The following ATG14 variants were observed in gnomAD, a reference collection of about 807,000 sequenced individuals.
ATG14 encodes beclin 1-associated autophagy-related key regulator.
In ATG14, 35 loss-of-function variants were observed where a neutral mutation model predicts 60.4. The observed-to-expected ratio is 0.58, with a 90% CI of 0.44 to 0.77. The LOEUF (loss-of-function observed/expected upper bound fraction) is 0.77. Among genes scored for constraint, ATG14 ranks in the 30% least tolerant of loss-of-function variants. The probability of loss-of-function intolerance (pLI) is 0.00; values close to 1 mark genes in which losing one functional copy is unlikely to be tolerated. For synonymous variants in ATG14, 234 were observed against 228.8 expected (o/e 1.02, Z -0.21); for missense variants, 647 against 626.3 (o/e 1.03, Z -0.35).
At chr14:55,411,054 C>G (rs1231220128) in intron 1 of ATG14, among the ~76,000 whole-genome samples, 2 of 152,104 alleles carry the variant, frequency 1.3e-5, no homozygotes, top group South Asian at 2.1e-4. Flanking sequence ...CTAAAATAAT[C>G]TTTAGAGGCA....
At chr14:55,370,077 A>ATGAT (rs1555341206) in intron 9 of ATG14, 152 bp from the exon 10 acceptor site, 1 of 621,014 alleles carries the variant, frequency 1.6e-6, no homozygotes, top group African/African-American at 1.8e-5. Context: ...GTGTTGACAT[A>ATGAT]TGATTGCGTT....
At chr14:55,388,320 G>T (rs148968412) in intron 4 of ATG14, among the ~76,000 whole-genome samples, 1 of 152,330 alleles carries the variant, frequency 6.6e-6, no homozygotes, top group Non-Finnish European at 1.5e-5. Flanking sequence ...TCTGGGGGAA[G>T]ATCCATTTCA....
chr14:55,400,909 TAAATAAAATAAAATAAAATA>T (rs201067140), intron 1 of ATG14, among the ~76,000 whole-genome samples: 65 of 143,358 alleles, frequency 4.5e-4, no homozygotes, highest in South Asian at 4.2e-3. Flanking sequence ...CTCAAATAAA[TAAATAAAATAAAATAAAATA>T]AAATAAAATA....
chr14:55,369,562 G>A lies in ATG14; in HGVS notation c.*57C>T. ...ACTTAAACAGAAAATGTTTACTAGA[G>A]TGTAGTGGGAGAAGAACTTTCTTGA... is the stretch of plus-strand genomic sequence containing the variant. On this transcript the variant is annotated 3_prime_UTR_variant, in exon 10 of 10. Transcript: ENST00000247178. 1 of 1,382,730 alleles carries A rather than the reference G, an allele frequency of 7.2e-7. No individual in the cohort carries two copies. The highest frequency in any genetic ancestry group is 1.7e-5 in the South Asian group (1 of 58,714). The allele number at this position is 1,382,730 out of a possible 1,614,324, so 85.7% of individuals were successfully genotyped here.
chr14:55,369,527 C>A lies in ATG14; in HGVS notation c.*92G>T. ...AACACTTTAACCTCTTTGTTCCAGA[C>A]ACTATCTTAACTTAAACAGAAAATG... is the stretch of plus-strand genomic sequence containing the variant. On this transcript the variant is annotated 3_prime_UTR_variant, in exon 10 of 10. Coordinates refer to ENST00000247178, the MANE Select transcript of ATG14 (RefSeq NM_014924.5). 1 of 1,207,076 alleles carries A rather than the reference C, an allele frequency of 8.3e-7. No homozygotes were observed. Among genetic ancestry groups the A allele is most frequent in the Non-Finnish European group, 1.1e-6 (1 of 887,104 alleles). 74.8% of individuals were successfully genotyped at this position (1,207,076 alleles called of 1,614,324 possible). A position where few individuals can be genotyped will look rare whatever the true frequency, so the allele number is the denominator to read the frequency against.
Position 55,382,047 on chromosome 14 carries a change from T to C in ATG14, c.792A>G (p.Thr264=), listed in dbSNP as rs1264436611. 3 of 1,614,064 alleles carry C rather than the reference T, an allele frequency of 1.9e-6. No individual in the cohort carries two copies. The highest frequency in any genetic ancestry group is 1.3e-5 in the African/African-American group (1 of 74,922). ...TGTTAGGGAGGCTAATCCAAGGCCC[T>C]GTAATGCTAATGCTGGTGTCTCCGT... The part of the protein sequence containing the change: ...DHNGDTSISI[T]GPWISLPNNG... The change falls in exon 6 of 10, where the codon ACA becomes ACG. Residue 264 remains threonine (T), a synonymous_variant. Coordinates refer to ENST00000247178, the MANE Select transcript of ATG14 (RefSeq NM_014924.5).
rs74646178 is a variant in ATG14, at chr14:55,401,752, C to T, written c.222-4318G>A. Among the ~76,000 whole-genome samples the T allele has an allele frequency of 4.3e-3, 656 of 152,196 alleles. 18 individuals are homozygous for T. The East Asian group carries it at 0.066, about 15-fold the overall frequency. On this transcript the variant is annotated intron_variant, in intron 1 of 9. Coordinates refer to ENST00000247178, the MANE Select transcript of ATG14 (RefSeq NM_014924.5). ...AAGGAGAAGGGTGCTCGCACACAGC[C>T]CCAGTGGCACCAGAGAAAGCACACA...
At position 55,366,762 on chromosome 14, in the gene ATG14, C is replaced by T. The variant is rs1455492914; in HGVS notation, c.*2857G>A. The T allele has an allele frequency of 4.6e-5, 7 of 152,538 alleles. No individual in the cohort carries two copies. Among genetic ancestry groups the T allele is most frequent in the Admixed American group, 4.6e-4 (7 of 15,260 alleles). The allele number at this position is 152,538 out of a possible 1,614,324, so 9.4% of individuals were successfully genotyped here. Reference sequence around the variant, plus strand: ...AATCATTTTAAAATGGAAAACATGACCAAGTTCTATGGCTTTTTGTTTAAA... The same window carrying T: ...AATCATTTTAAAATGGAAAACATGATCAAGTTCTATGGCTTTTTGTTTAAA... On this transcript the variant is annotated 3_prime_UTR_variant, in exon 10 of 10. Transcript: ENST00000247178.
chr14:55,399,423 G>A (rs1885364164), intron 1 of ATG14, among the ~76,000 whole-genome samples: 1 of 152,182 alleles, frequency 6.6e-6, no homozygotes, highest in Non-Finnish European at 1.5e-5. Flanking sequence ...CAGTAAGGTG[G>A]CAACAGCATG....
intron 6 of ATG14, among the ~76,000 whole-genome samples, 185 bp from the exon 7 acceptor site, chr14:55,380,875 A>ATATATATATATTTTTTTTT (rs377330757): frequency 1.8e-5 from 2 of 112,732 alleles, no homozygotes; most frequent in Non-Finnish European, 3.5e-5. Flanking sequence ...ATATATATAT[A>ATATATATATATTTTTTTTT]TTTTTTTTTT....
rs1884751814 is a variant in ATG14 at position 55,369,136 on chromosome 14, A to AAAAC, written c.*479_*482dup. Reference sequence around the variant, plus strand: ...AAATTGCCTGCTGGTTCTCATACAAAAAACAATGGCAGAAAAACTCTTATT... The same window carrying AAAAC: ...AAATTGCCTGCTGGTTCTCATACAAAAAACAAACAATGGCAGAAAAACTCTTATT... On this transcript the variant is annotated 3_prime_UTR_variant, in exon 10 of 10. Transcript: ENST00000247178. 6.5e-6 allele frequency: 1 copy of AAAAC among 152,780 alleles called. No homozygotes were observed. The highest frequency in any genetic ancestry group is 6.5e-5 in the Admixed American group (1 of 15,290). 9.5% of individuals were successfully genotyped at this position (152,780 alleles called of 1,614,324 possible).
At chr14:55,390,815 C>T in intron 4 of ATG14, 96 bp downstream of exon 4, 1 of 818,288 alleles carries the variant, frequency 1.2e-6, no homozygotes, top group Non-Finnish European at 2.0e-6. Context: ...ACTGCCCCAC[C>T]ATCCCCTTCC....
intron 5 of ATG14, among the ~76,000 whole-genome samples, chr14:55,384,987 T>C (rs72717745): frequency 0.084 from 12,717 of 152,272 alleles, 577 homozygotes; most frequent in South Asian, 0.11. Context: ...CTGTCCTGTC[T>C]GTCCCACCAG....
chr14:55,403,832 A>T (rs1885448936), intron 1 of ATG14, among the ~76,000 whole-genome samples: 1 of 152,214 alleles, frequency 6.6e-6, no homozygotes, highest in Non-Finnish European at 1.5e-5. Flanking sequence ...CTATTTCTAC[A>T]ATGTTTGAGC....
intron 1 of ATG14, among the ~76,000 whole-genome samples, chr14:55,400,933 T>G (rs1885388421): frequency 6.6e-6 from 1 of 150,864 alleles, no homozygotes; most frequent in East Asian, 1.9e-4. Context: ...TAAAATAAAA[T>G]AAAATAAAAT....
chr14:55,376,506 C>A (rs1164024185), intron 9 of ATG14, among the ~76,000 whole-genome samples: 1 of 152,032 alleles, frequency 6.6e-6, no homozygotes. Flanking sequence ...AGTTTCCTGG[C>A]GAGTTCACAG....
chr14:55,369,749 G>C lies in ATG14; in HGVS notation c.1349C>G (p.Ser450Cys). Residue 450 changes from serine (S) to cysteine (C), a missense_variant, in exon 10 of 10, where the codon TCT becomes TGT. Coordinates refer to ENST00000247178, the MANE Select transcript of ATG14 (RefSeq NM_014924.5). ...SPRFCDIPSQ[S>C]VEVSQSQSTQ... ...GCTCTGACTCTGGGAGACTTCCACA[G>C]ACTGGGAAGGGATATCACAAAACCG... The C allele has an allele frequency of 6.2e-7, 1 of 1,614,178 alleles. No homozygotes were observed. The highest frequency in any genetic ancestry group is 8.5e-7 in the Non-Finnish European group (1 of 1,180,004).
intron 4 of ATG14, among the ~76,000 whole-genome samples, 164 bp from the exon 5 acceptor site, chr14:55,386,260 A>G (rs1324152938): frequency 1.3e-5 from 2 of 152,236 alleles, no homozygotes; most frequent in Non-Finnish European, 2.9e-5. Flanking sequence ...GTTTAGTTCA[A>G]GTAGATATTA....
At chr14:55,391,740 T>G (rs1885222084) in intron 3 of ATG14, among the ~76,000 whole-genome samples, 1 of 152,134 alleles carries the variant, frequency 6.6e-6, no homozygotes, top group Admixed American at 6.5e-5. Flanking sequence ...GATACAGAAC[T>G]CAAGCATCAT....
Sources: allele counts gnomAD v4.1 joint callset (sites outside exome capture counted in the v4.1 genomes callset), GRCh38; gene constraint gnomAD v4.1.1; transcripts MANE v1.5; gene names NCBI Gene and HGNC (gene_info 2026-07-23, HGNC 2026-07-21).